The following SPOCK1 variants were observed in gnomAD, a reference collection of about 807,000 sequenced individuals.
The protein encoded by SPOCK1 is testican-1.
A neutral mutation model predicts 55.3 loss-of-function variants in SPOCK1; 23 were observed. The ratio of observed to expected loss-of-function variants is 0.42; its 90% CI spans 0.30 to 0.59. The LOEUF (loss-of-function observed/expected upper bound fraction) is 0.59, where lower values mean the gene tolerates loss of function less well. Among genes scored for constraint, SPOCK1 ranks in the 20% least tolerant of loss-of-function variants. SPOCK1 has a pLI of 0.22. For synonymous variants in SPOCK1, 226 were observed against 221.0 expected (o/e 1.02, Z -0.20); for missense variants, 499 against 552.5 (o/e 0.90, Z 0.97).
chr5:137,011,183 C>T (rs1481595849), intron 6 of SPOCK1, among the ~76,000 whole-genome samples: 2 of 152,108 alleles, frequency 1.3e-5, no homozygotes, highest in African/African-American at 4.8e-5. Flanking sequence ...ATATAGACTT[C>T]GCACTTCAGA....
chr5:137,068,323 C>T (rs1752548533), intron 5 of SPOCK1, among the ~76,000 whole-genome samples: 1 of 152,158 alleles, frequency 6.6e-6, no homozygotes, highest in Admixed American at 6.5e-5. Context: ...AGCCCCTTCC[C>T]CTTGGGAGCA....
chr5:136,978,446 A>C lies in SPOCK1; in HGVS notation c.*208T>G, dbSNP rs530915640. ...CTATCCAAAAAATAAACAACAACAA[A>C]AAAAAAACACAACACCCTTTCTCCC... is the stretch of plus-strand genomic sequence containing the variant. On this transcript the variant is annotated 3_prime_UTR_variant, in exon 11 of 11. Coordinates refer to ENST00000394945, the MANE Select transcript of SPOCK1 (RefSeq NM_004598.4). 45 of 406,680 alleles carry C rather than the reference A, an allele frequency of 1.1e-4. No individual in the cohort carries two copies. Among genetic ancestry groups the C allele is most frequent in the African/African-American group, 4.3e-4 (20 of 46,384 alleles). 25.2% of individuals were successfully genotyped at this position (406,680 alleles called of 1,614,324 possible). A position where few individuals can be genotyped will look rare whatever the true frequency, so the allele number is the denominator to read the frequency against.
At chr5:137,296,433 G>A (rs977606097) in intron 2 of SPOCK1, among the ~76,000 whole-genome samples, 5 of 152,216 alleles carry the variant, frequency 3.3e-5, no homozygotes, top group East Asian at 1.9e-4. Flanking sequence ...AAGGCTGGGC[G>A]TCCAAGTAAT....
At chr5:137,365,824 A>T (rs1447990837) in intron 2 of SPOCK1, among the ~76,000 whole-genome samples, 2 of 152,236 alleles carry the variant, frequency 1.3e-5, no homozygotes, top group Non-Finnish European at 2.9e-5. Flanking sequence ...CACTTTAAAT[A>T]TTACTCATGC....
chr5:137,385,037 T>TAAATAATTAATTAGATTAAAAGAGATA (rs1236508153), intron 2 of SPOCK1, among the ~76,000 whole-genome samples: 7 of 152,210 alleles, frequency 4.6e-5, no homozygotes, highest in Non-Finnish European at 1.0e-4. Context: ...AGAGATAATG[T>TAAATAATTAATTAGATTAAAAGAGATA]CTGCAGCATG....
At chr5:137,306,882 G>A (rs1252969384) in intron 2 of SPOCK1, among the ~76,000 whole-genome samples, 1 of 152,002 alleles carries the variant, frequency 6.6e-6, no homozygotes. Flanking sequence ...ACAAGCTTTA[G>A]GCCCCACAAA....
chr5:137,184,147 T>C (rs1755021320), intron 3 of SPOCK1, among the ~76,000 whole-genome samples: 2 of 152,208 alleles, frequency 1.3e-5, no homozygotes, highest in Admixed American at 6.5e-5. Flanking sequence ...AGTTTTGCTT[T>C]CCTCAATGAC....
rs189079586 is a variant in SPOCK1, at chr5:137,194,837, C to G, written c.233-54143G>C. Among the ~76,000 whole-genome samples the G allele has an allele frequency of 4.0e-3, 605 of 152,298 alleles. 3 individuals carry two copies. Among genetic ancestry groups the G allele is most frequent in the African/African-American group, 9.8e-3 (407 of 41,554 alleles). On this transcript the variant is annotated intron_variant, in intron 3 of 10. Transcript: ENST00000394945. ...GCCTCCCATAAGCACCAGCCCTGAG[C>G]CGGCAGCTACAAGCCCATTTCTGGT...
At chr5:137,484,906 T>C (rs1361738243) in intron 2 of SPOCK1, among the ~76,000 whole-genome samples, 2 of 152,196 alleles carry the variant, frequency 1.3e-5, no homozygotes, top group Non-Finnish European at 2.9e-5. Context: ...GTTTATGTTG[T>C]GTTGTTACAT....
chr5:137,029,626 G>A (rs777691759), intron 6 of SPOCK1, among the ~76,000 whole-genome samples: 1 of 152,182 alleles, frequency 6.6e-6, no homozygotes, highest in Non-Finnish European at 1.5e-5. Context: ...AACTTGGTTT[G>A]GCAAGGAAGC....
intron 3 of SPOCK1, among the ~76,000 whole-genome samples, chr5:137,206,000 G>C (rs1755515482): frequency 6.6e-6 from 1 of 152,198 alleles, no homozygotes; most frequent in South Asian, 2.1e-4. Context: ...CAATGGCAAA[G>C]CCAGGGTGAG....
intron 3 of SPOCK1, among the ~76,000 whole-genome samples, chr5:137,233,338 A>G (rs574566842): frequency 1.3e-5 from 2 of 152,334 alleles, no homozygotes; most frequent in East Asian, 3.9e-4. Context: ...GTGACAGATC[A>G]TCAGGCATTA....
chr5:137,297,535 A>G (rs1031734241), intron 2 of SPOCK1, among the ~76,000 whole-genome samples: 1 of 152,180 alleles, frequency 6.6e-6, no homozygotes, highest in Non-Finnish European at 1.5e-5. Context: ...TTTAACAACG[A>G]TAAGTATCAG....
At chr5:137,081,384 G>T (rs1383297796) in intron 5 of SPOCK1, among the ~76,000 whole-genome samples, 1 of 152,196 alleles carries the variant, frequency 6.6e-6, no homozygotes, top group Admixed American at 6.5e-5. Context: ...CTCTGAAAAT[G>T]GAAAAACAGA....
intron 3 of SPOCK1, among the ~76,000 whole-genome samples, chr5:137,242,018 A>G (rs757427879): frequency 6.6e-6 from 1 of 152,226 alleles, no homozygotes; most frequent in Non-Finnish European, 1.5e-5. Flanking sequence ...ACTGGGAACA[A>G]TTCAAAGACT....
chr5:137,101,076 G>A (rs182161747), intron 5 of SPOCK1, among the ~76,000 whole-genome samples: 2 of 152,242 alleles, frequency 1.3e-5, no homozygotes, highest in East Asian at 1.9e-4. Context: ...ACATCTTGGC[G>A]CTGAAATGTT....
intron 2 of SPOCK1, among the ~76,000 whole-genome samples, chr5:137,476,290 G>A (rs1753836702): frequency 6.6e-6 from 1 of 152,186 alleles, no homozygotes; most frequent in Non-Finnish European, 1.5e-5. Flanking sequence ...ATGGTGACCT[G>A]TGGCAGGTAG....
At chr5:137,302,678 G>A (rs917391138) in intron 2 of SPOCK1, among the ~76,000 whole-genome samples, 3 of 151,992 alleles carry the variant, frequency 2.0e-5, no homozygotes, top group African/African-American at 7.3e-5. Context: ...CTTCTCCCAT[G>A]GAAATAAACA....
At chr5:137,160,999 A>G (rs1754542940) in intron 3 of SPOCK1, among the ~76,000 whole-genome samples, 1 of 70,018 alleles carries the variant, frequency 1.4e-5, no homozygotes, top group Non-Finnish European at 3.0e-5. Flanking sequence ...TGAATGAAGA[A>G]ACTGTGAGAT....
Sources: allele counts gnomAD v4.1 joint callset (sites outside exome capture counted in the v4.1 genomes callset), GRCh38; gene constraint gnomAD v4.1.1; transcripts MANE v1.5; gene names NCBI Gene and HGNC (gene_info 2026-07-23, HGNC 2026-07-21).